Variants in NLGN1 observed in about 807,000 individuals in gnomAD.
NLGN1 encodes neuroligin 1, also known as neuroligin-1.
NLGN1 carries 12 observed loss-of-function variants against 65.5 expected under a neutral mutation model. That is an observed-to-expected ratio of 0.18 (90% CI 0.12 to 0.30). NLGN1 has a LOEUF of 0.30. NLGN1 is among the 10% of genes least tolerant of loss of function. The pLI is 1.00. For synonymous variants in NLGN1, 350 were observed against 359.5 expected (o/e 0.97, Z 0.30); for missense variants, 750 against 1,007.1 (o/e 0.74, Z 3.46).
At chr3:173,456,136 T>G (rs1271381344) in intron 2 of NLGN1, among the ~76,000 whole-genome samples, 1 of 152,116 alleles carries the variant, frequency 6.6e-6, no homozygotes, top group African/African-American at 2.4e-5. Flanking sequence ...CCAGAGATAA[T>G]GTTTAACCAG....
intron 3 of NLGN1, among the ~76,000 whole-genome samples, chr3:173,782,019 T>C (rs1345278914): frequency 6.6e-6 from 1 of 152,198 alleles, no homozygotes; most frequent in Non-Finnish European, 1.5e-5. Context: ...TTCTCCTTGC[T>C]TTTTTAGTTA....
chr3:174,272,516 A>T lies in NLGN1; in HGVS notation c.647-2799A>T, dbSNP rs1396990066. Among the ~76,000 whole-genome samples the T allele has an allele frequency of 4.0e-5, 6 of 151,728 alleles. No homozygotes were observed. In the Admixed American group the frequency reaches 4.0e-4, roughly 10 times the overall value. ...GTATGCAAGTATATATCTCTCTACC[A>T]GGTCTGAAGACATGTTATTTGCTTG... On this transcript the variant is annotated intron_variant, in intron 4 of 6. Coordinates refer to ENST00000457714, the Ensembl canonical transcript of NLGN1.
At chr3:174,178,349 A>C (rs1043364477) in intron 4 of NLGN1, among the ~76,000 whole-genome samples, 2 of 152,246 alleles carry the variant, frequency 1.3e-5, no homozygotes, top group African/African-American at 4.8e-5. Flanking sequence ...ATTTATTTAG[A>C]AATACCTCCA....
intron 4 of NLGN1, among the ~76,000 whole-genome samples, chr3:174,118,088 TTC>T (rs935218176): frequency 2.6e-5 from 4 of 152,224 alleles, no homozygotes; most frequent in African/African-American, 4.8e-5. Flanking sequence ...CCAGTCATTT[TTC>T]TCTCTTATTT....
At chr3:173,668,024 A>G (rs2149719932) in intron 3 of NLGN1, among the ~76,000 whole-genome samples, 1 of 152,330 alleles carries the variant, frequency 6.6e-6, no homozygotes, top group African/African-American at 2.4e-5. Context: ...TAATTCACAA[A>G]CATTTATTTA....
At chr3:174,086,254 C>T (rs1282488657) in intron 4 of NLGN1, among the ~76,000 whole-genome samples, 24 of 98,346 alleles carry the variant, frequency 2.4e-4, no homozygotes, top group Non-Finnish European at 3.8e-4. Context: ...TATGTATGTG[C>T]ATACATATAT....
At chr3:173,878,903 C>T (rs1253281855) in intron 4 of NLGN1, among the ~76,000 whole-genome samples, 6 of 151,852 alleles carry the variant, frequency 4.0e-5, no homozygotes, top group African/African-American at 1.2e-4. Flanking sequence ...ATATTGTTGC[C>T]TAAGAAAGTG....
rs3035853 is a variant in NLGN1, at chr3:174,181,778, T to TACACACACAC, written c.647-93517_647-93508dup. 9.8e-3 allele frequency among the ~76,000 whole-genome samples: 1,405 copies of TACACACACAC among 142,658 alleles called. 10 individuals carry two copies. The highest frequency in any genetic ancestry group is 0.034 in the South Asian group (150 of 4,390). The allele number at this position is 142,658 out of a possible 152,430, so 93.6% of individuals were successfully genotyped here. ...ACCCTGTCTCTCCAAAAAATAAAAA[T>TACACACACAC]ACACACACACACACACACACACACA... On this transcript the variant is annotated intron_variant, in intron 4 of 6. Transcript: ENST00000457714.
chr3:173,860,520 A>G (rs1728847453), intron 4 of NLGN1, among the ~76,000 whole-genome samples: 1 of 152,208 alleles, frequency 6.6e-6, no homozygotes, highest in Non-Finnish European at 1.5e-5. Context: ...AATACTTTCT[A>G]AGATTAATAA....
intron 4 of NLGN1, among the ~76,000 whole-genome samples, chr3:173,959,138 G>A (rs552013089): frequency 6.6e-6 from 1 of 152,356 alleles, no homozygotes; most frequent in East Asian, 1.9e-4. Context: ...AGGAGGGCAG[G>A]ACACCTGCCT....
At chr3:174,220,939 CAT>C (rs772141492) in intron 4 of NLGN1, among the ~76,000 whole-genome samples, 1 of 152,118 alleles carries the variant, frequency 6.6e-6, no homozygotes, top group Non-Finnish European at 1.5e-5. Context: ...AATTCCATTA[CAT>C]AGAGTCATTC....
At chr3:174,143,582 CT>C (rs1403174888) in intron 4 of NLGN1, among the ~76,000 whole-genome samples, 1 of 152,018 alleles carries the variant, frequency 6.6e-6, no homozygotes, top group Non-Finnish European at 1.5e-5. Flanking sequence ...AAAGCTTAGC[CT>C]TCTATATTTA....
At position 173,879,328 on chromosome 3, in the gene NLGN1, A is replaced by G. The variant is rs1425172762; in HGVS notation, c.646+71496A>G. 4.6e-5 allele frequency among the ~76,000 whole-genome samples: 7 copies of G among 152,058 alleles called. No homozygotes were observed. The South Asian group carries it at 8.3e-4, about 18-fold the overall frequency. On this transcript the variant is annotated intron_variant, in intron 4 of 6. Transcript: ENST00000457714. ...TTCTCTCTGTTCTTCAGACTGAACA[A>G]TTTCTATTGATCTGTCTTCAAGTTC...
At chr3:173,643,042 A>C (rs1329070395) in intron 3 of NLGN1, among the ~76,000 whole-genome samples, 1 of 152,216 alleles carries the variant, frequency 6.6e-6, no homozygotes, top group Non-Finnish European at 1.5e-5. Context: ...GATGAAAAAT[A>C]CATTGAATGT....
chr3:174,259,808 A>G (rs1312779264), intron 4 of NLGN1, among the ~76,000 whole-genome samples: 1 of 149,484 alleles, frequency 6.7e-6, no homozygotes, highest in African/African-American at 2.4e-5. Context: ...AGCATTAGGT[A>G]TATCTCCCAA....
exon 3 of NLGN1, chr3:173,604,460 A>G: frequency 1.1e-6 from 1 of 888,664 alleles, no homozygotes; most frequent in Non-Finnish European, 1.7e-6. Context: ...CTGCTGTCTG[A>G]AGATCTTTCA....
chr3:173,970,130 G>A (rs982506131), intron 4 of NLGN1, among the ~76,000 whole-genome samples: 2 of 151,958 alleles, frequency 1.3e-5, no homozygotes, highest in African/African-American at 4.8e-5. Context: ...ATTAAGATTG[G>A]CATTTTCCCA....
chr3:173,621,990 A>G (rs1260465129), intron 3 of NLGN1, among the ~76,000 whole-genome samples: 2 of 152,118 alleles, frequency 1.3e-5, no homozygotes, highest in Non-Finnish European at 2.9e-5. Flanking sequence ...CAATTCAAAG[A>G]AATGCACTGA....
intron 3 of NLGN1, 85 bp downstream of exon 2, chr3:173,605,176 G>A: frequency 4.5e-6 from 5 of 1,118,580 alleles, no homozygotes; most frequent in Non-Finnish European, 6.3e-6. Flanking sequence ...CATGTGTACT[G>A]GTAGTATGCA....
Sources: allele counts gnomAD v4.1 joint callset (sites outside exome capture counted in the v4.1 genomes callset), GRCh38; gene constraint gnomAD v4.1.1; transcripts MANE v1.5; gene names NCBI Gene and HGNC (gene_info 2026-07-23, HGNC 2026-07-21).